The following GLS variants were observed in gnomAD, a reference collection of about 807,000 sequenced individuals.
GLS encodes the protein glutaminase kidney isoform, mitochondrial.
In GLS, 36 loss-of-function variants were observed where a neutral mutation model predicts 86.7. The observed-to-expected ratio is 0.42, with a 90% CI of 0.32 to 0.55. GLS has a LOEUF of 0.55. GLS is among the 20% of genes least tolerant of loss of function. GLS has a pLI of 0.17. For synonymous variants in GLS, 317 were observed against 305.9 expected, an observed-to-expected ratio of 1.04 and a Z score of -0.38; for missense variants, 528 against 833.4, an observed-to-expected ratio of 0.63 and a Z score of 4.51.
At chr2:190,904,867 A>G (rs1689078891) in intron 5 of GLS, 137 bp from the exon 6 acceptor site, 1 of 631,974 alleles carries the variant, frequency 1.6e-6, no homozygotes, top group Admixed American at 2.9e-5. Context: ...TTATTCTGTA[A>G]TTTTGACATA....
At chr2:190,952,255 GCTAAAGGA>G (rs1276313810) in intron 14 of GLS, among the ~76,000 whole-genome samples, 2 of 152,192 alleles carry the variant, frequency 1.3e-5, no homozygotes, top group Admixed American at 6.5e-5. Flanking sequence ...TGGAAGGGAA[GCTAAAGGA>G]CTAAGTGGAA....
At position 190,949,569 on chromosome 2, in the gene GLS, T is replaced by C. The variant is rs1690664091; in HGVS notation, c.1651-3996T>C. Among the ~76,000 whole-genome samples the C allele has an allele frequency of 6.6e-6, 1 of 152,040 alleles. No individual in the cohort carries two copies. Among genetic ancestry groups the C allele is most frequent in the Non-Finnish European group, 1.5e-5 (1 of 67,998 alleles). On this transcript the variant is annotated intron_variant, in intron 14 of 17. Transcript: ENST00000320717. This position sits in a 1 kb window ranked among gnomAD's most constrained non-coding sequence, Gnocchi z 4.0. Reference sequence around the variant, plus strand: ...AATTAGATTAGTGGTGGCACATGCCTGTAATCCCAGCTACTCCAGAGGCTG... The same window carrying C: ...AATTAGATTAGTGGTGGCACATGCCCGTAATCCCAGCTACTCCAGAGGCTG...
At chr2:190,931,717 C>T in intron 14 of GLS, 80 bp downstream of exon 14, 1 of 664,814 alleles carries the variant, frequency 1.5e-6, no homozygotes, top group South Asian at 2.0e-5. Flanking sequence ...TAAATAAAAT[C>T]TTAGTTTGTT....
At position 190,962,458 on chromosome 2, in the gene GLS, TTG is replaced by T. The variant is rs1691025547; in HGVS notation, c.1854-371_1854-370del. Among the ~76,000 whole-genome samples the T allele has an allele frequency of 1.3e-5, 2 of 152,216 alleles. No individual in the cohort carries two copies. Among genetic ancestry groups the T allele is most frequent in the African/African-American group, 4.8e-5 (2 of 41,452 alleles). On this transcript the variant is annotated intron_variant, in intron 17 of 17. Coordinates refer to ENST00000320717, the MANE Select transcript of GLS (RefSeq NM_014905.5). This position sits in a 1 kb window ranked among gnomAD's most constrained non-coding sequence, Gnocchi z 4.2. ...TGGATGTTATATGCCTGAATTTTCT[TTG>T]AACATTTTATTTTAAAAGAGATACT...
chr2:190,880,943 G>T lies in GLS; in HGVS notation c.-142G>T. On this transcript the variant is annotated 5_prime_UTR_variant, in exon 1 of 18. Coordinates refer to ENST00000320717, the MANE Select transcript of GLS (RefSeq NM_014905.5). ...GCACCCGCATCCGCTGCGGGAGTCC[G>T]AGCCGGAACCACACCCAAGTAGCTG... 9.4e-7 allele frequency: 1 copy of T among 1,059,302 alleles called. No individual in the cohort carries two copies. Among genetic ancestry groups the T allele is most frequent in the Non-Finnish European group, 1.4e-6 (1 of 725,042 alleles). 65.6% of individuals were successfully genotyped at this position (1,059,302 alleles called of 1,614,324 possible).
Position 190,957,721 on chromosome 2 carries a change from A to G in GLS, c.1853+2903A>G, listed in dbSNP as rs181582689. On this transcript the variant is annotated intron_variant, in intron 17 of 17. Coordinates refer to ENST00000320717, the MANE Select transcript of GLS (RefSeq NM_014905.5). The stretch of plus-strand genomic sequence containing the variant: ...TGATGGATTACGTGTATCGATTTGC[A>G]TATGTTGAACCAGCCTTGCATCCCA... Among the ~76,000 whole-genome samples the G allele has an allele frequency of 3.0e-3, 457 of 152,276 alleles. 2 individuals carry two copies. The highest frequency in any genetic ancestry group is 5.0e-3 in the Admixed American group (77 of 15,294).
Position 190,927,463 on chromosome 2 carries a change from C to T in GLS, c.1406C>T (p.Ser469Leu). ...CATTCCTGTGGCATGTATGACTTCTCAGGGCAGTTTGCTTTCCATGTAAGT... is the reference window on the plus strand; with the variant it reads ...CATTCCTGTGGCATGTATGACTTCTTAGGGCAGTTTGCTTTCCATGTAAGT... ...LMHSCGMYDF[S>L]GQFAFHVGLP... Residue 469 changes from serine (S) to leucine (L), a missense_variant, in exon 12 of 18, where the codon TCA (serine) becomes TTA (leucine). Ser to Leu is a moderately radical substitution (Grantham distance 145). Transcript: ENST00000320717. 2 of 1,609,402 alleles carry T rather than the reference C, an allele frequency of 1.2e-6. No individual in the cohort carries two copies. Among genetic ancestry groups the T allele is most frequent in the Non-Finnish European group, 1.7e-6 (2 of 1,177,866 alleles).
At position 190,962,690 on chromosome 2, in the gene GLS, A is replaced by G. The variant is rs1691031944; in HGVS notation, c.1854-140A>G. 2 of 443,708 alleles carry G rather than the reference A, an allele frequency of 4.5e-6. No individual in the cohort carries two copies. The highest frequency in any genetic ancestry group is 8.1e-5 in the South Asian group (1 of 12,350). 27.5% of individuals were successfully genotyped at this position (443,708 alleles called of 1,614,324 possible). A position where few individuals can be genotyped will look rare whatever the true frequency, so the allele number is the denominator to read the frequency against. On this transcript the variant is annotated intron_variant, in intron 17 of 17. Coordinates refer to ENST00000320717, the MANE Select transcript of GLS (RefSeq NM_014905.5). The surrounding 1 kb of genome is among the most constrained non-coding windows in gnomAD (Gnocchi z 4.2). ...ATTATAAATCCCTTTCTGCATTTCT[A>G]TTATTAATTTTTATTTGTAAAATTG...
chr2:190,919,451 G>GT (rs1414151034), intron 7 of GLS, among the ~76,000 whole-genome samples: 1 of 152,072 alleles, frequency 6.6e-6, no homozygotes, highest in Admixed American at 6.6e-5. Context: ...TACAGTTTAG[G>GT]TCACAGAATG....
chr2:190,898,202 A>G (rs1257802491), intron 3 of GLS, among the ~76,000 whole-genome samples: 2 of 152,256 alleles, frequency 1.3e-5, no homozygotes, highest in Admixed American at 1.3e-4. Context: ...AAAATTTCAT[A>G]TTTATTATGT....
chr2:190,925,945 C>G (rs1181922829), intron 11 of GLS, among the ~76,000 whole-genome samples: 2 of 151,724 alleles, frequency 1.3e-5, no homozygotes, highest in Admixed American at 1.3e-4. Context: ...CCTTTTTTTT[C>G]CCCCTGGTCT....
intron 12 of GLS, chr2:190,927,774 TTATGATTATG>T (rs1265209928): frequency 2.6e-5 from 5 of 195,760 alleles, no homozygotes; most frequent in Non-Finnish European, 5.2e-5. Flanking sequence ...ATGTTTAGCA[TTATGATTATG>T]TATCTTAAGA....
chr2:190,960,750 T>C (rs1039187136), intron 17 of GLS, among the ~76,000 whole-genome samples: 2 of 152,234 alleles, frequency 1.3e-5, no homozygotes, highest in African/African-American at 4.8e-5. Flanking sequence ...AGAAAAGTTA[T>C]GTCAGTGTCT....
chr2:190,935,176 G>C lies in GLS; in HGVS notation c.1650+3539G>C. The stretch of plus-strand genomic sequence containing the variant: ...TGTTGTGCATTTTATCTTAGTGTTT[G>C]GATGAAAACATTTGTGTTGTTTAGC... On this transcript the variant is annotated intron_variant, in intron 14 of 17. Coordinates refer to ENST00000320717, the MANE Select transcript of GLS (RefSeq NM_014905.5). The surrounding 1 kb of genome is among the most constrained non-coding windows in gnomAD (Gnocchi z 4.2). 4.5e-6 allele frequency: 4 copies of C among 894,636 alleles called. No homozygotes were observed. The highest frequency in any genetic ancestry group is 5.4e-6 in the Non-Finnish European group (4 of 747,592). The allele number at this position is 894,636 out of a possible 1,614,324, so 55.4% of individuals were successfully genotyped here.
At chr2:190,899,195 T>C (rs1240560159) in intron 3 of GLS, among the ~76,000 whole-genome samples, 5 of 152,154 alleles carry the variant, frequency 3.3e-5, no homozygotes, top group African/African-American at 4.8e-5. Flanking sequence ...ATTAAAAATA[T>C]TAAAATAATG....
In GLS at chr2:190,949,610, T is replaced by C. The variant is rs1690664948; in HGVS notation, c.1651-3955T>C. On this transcript the variant is annotated intron_variant, in intron 14 of 17. Coordinates refer to ENST00000320717, the MANE Select transcript of GLS (RefSeq NM_014905.5). The surrounding 1 kb of genome is among the most constrained non-coding windows in gnomAD (Gnocchi z 4.0). ...CCAGAGGCTGAGGTGGGAGAATCAC[T>C]TGAACCCGAGAGGCGAAGGTTGTAT... Among the ~76,000 whole-genome samples the C allele has an allele frequency of 1.3e-5, 2 of 152,060 alleles. No individual in the cohort carries two copies. Among genetic ancestry groups the C allele is most frequent in the South Asian group, 2.1e-4 (1 of 4,828 alleles).
At chr2:190,926,480 A>G (rs544366587) in intron 11 of GLS, among the ~76,000 whole-genome samples, 1 of 152,252 alleles carries the variant, frequency 6.6e-6, no homozygotes, top group East Asian at 1.9e-4. Context: ...GAAAATTTAT[A>G]AGTTGAACTC....
intron 11 of GLS, among the ~76,000 whole-genome samples, chr2:190,926,506 A>G (rs913130765): frequency 6.6e-6 from 1 of 152,010 alleles, no homozygotes; most frequent in African/African-American, 2.4e-5. Context: ...TCTCCTATCC[A>G]CTTTATTTTT....
At position 190,947,785 on chromosome 2, in the gene GLS, A is replaced by G. The variant is rs1690614592; in HGVS notation, c.1651-5780A>G. Among the ~76,000 whole-genome samples, 1 of 152,204 alleles carries G rather than the reference A, an allele frequency of 6.6e-6. No homozygotes were observed. The highest frequency in any genetic ancestry group is 6.5e-5 in the Admixed American group (1 of 15,272). On this transcript the variant is annotated intron_variant, in intron 14 of 17. Transcript: ENST00000320717. This position sits in a 1 kb window ranked among gnomAD's most constrained non-coding sequence, Gnocchi z 5.0. ...GCTTTGATCAATGGTTAGCACACCT[A>G]CATCCTTTGCAAGTATTGGTGTGGA...
Sources: gnomAD v4.1 joint callset for allele counts (sites outside exome capture counted in the v4.1 genomes callset) on GRCh38, gnomAD v4.1.1 for gene constraint, Gnocchi (gnomAD v3.1) non-coding constraint, MANE v1.5 for transcripts, NCBI Gene and HGNC (gene_info 2026-07-23, HGNC 2026-07-21) for gene names.